The following CNTN4 variants were observed in gnomAD, a reference collection of about 807,000 sequenced individuals.
CNTN4 encodes the protein contactin-4.
CNTN4 carries 77 observed loss-of-function variants against 122.5 expected under a neutral mutation model. The ratio of observed to expected loss-of-function variants is 0.63; its 90% CI spans 0.52 to 0.76. The LOEUF (loss-of-function observed/expected upper bound fraction) is 0.76, where lower values mean the gene tolerates loss of function less well. CNTN4 is among the 30% of genes least tolerant of loss of function. The pLI, the probability that CNTN4 is intolerant of heterozygous loss-of-function variation, is 0.00. For synonymous variants in CNTN4, 512 were observed against 447.0 expected, an observed-to-expected ratio of 1.15 and a Z score of -1.83; for missense variants, 1,256 against 1,259.1, an observed-to-expected ratio of 1.00 and a Z score of 0.04.
At chr3:2,949,204 C>T (rs2094710604) in intron 13 of CNTN4, among the ~76,000 whole-genome samples, 1 of 152,098 alleles carries the variant, frequency 6.6e-6, no homozygotes, top group Non-Finnish European at 1.5e-5. Context: ...ACAGCTCCTT[C>T]TTGTCCCATA....
chr3:2,150,317 A>G (rs574778780), intron 2 of CNTN4, among the ~76,000 whole-genome samples: 1 of 152,350 alleles, frequency 6.6e-6, no homozygotes, highest in African/African-American at 2.4e-5. Flanking sequence ...TCAGCTAAAT[A>G]TTAGTTGTTT....
chr3:2,166,562 T>C (rs980741607), intron 2 of CNTN4, among the ~76,000 whole-genome samples: 18 of 152,228 alleles, frequency 1.2e-4, no homozygotes, highest in African/African-American at 4.3e-4. Flanking sequence ...ATGTAAGTTA[T>C]GAAATATTAA....
intron 2 of CNTN4, among the ~76,000 whole-genome samples, chr3:2,129,264 CA>C (rs11390812): frequency 0.015 from 958 of 63,840 alleles, 5 homozygotes; most frequent in African/African-American, 0.041. Flanking sequence ...TCCAAACCTG[CA>C]AAAAAAAAAA....
chr3:2,303,205 G>T (rs1289358514), intron 2 of CNTN4, among the ~76,000 whole-genome samples: 1 of 152,036 alleles, frequency 6.6e-6, no homozygotes, highest in African/African-American at 2.4e-5. Context: ...AAATAATACA[G>T]CTTTATTGAG....
intron 3 of CNTN4, among the ~76,000 whole-genome samples, chr3:2,358,058 C>T (rs1277665385): frequency 6.6e-6 from 1 of 152,186 alleles, no homozygotes; most frequent in African/African-American, 2.4e-5. Flanking sequence ...CCCCATGTGA[C>T]ATTTTACTTA....
chr3:2,167,249 C>T (rs1488745710), intron 2 of CNTN4, among the ~76,000 whole-genome samples: 1 of 151,902 alleles, frequency 6.6e-6, no homozygotes, highest in Non-Finnish European at 1.5e-5. Context: ...CAGCTCTTGG[C>T]ATGATTGGAC....
intron 14 of CNTN4, among the ~76,000 whole-genome samples, chr3:3,019,042 G>A (rs752175147): frequency 6.6e-6 from 1 of 152,264 alleles, no homozygotes; most frequent in Non-Finnish European, 1.5e-5. Flanking sequence ...AAGAAGCCAT[G>A]AATTTATCCT....
At chr3:2,493,795 T>G (rs2151688339) in intron 3 of CNTN4, among the ~76,000 whole-genome samples, 1 of 152,244 alleles carries the variant, frequency 6.6e-6, no homozygotes, top group East Asian at 1.9e-4. Flanking sequence ...ACTTCAGAGA[T>G]GTTTCTGGGG....
At chr3:2,790,918 T>C (rs2091987916) in intron 6 of CNTN4, among the ~76,000 whole-genome samples, 1 of 152,190 alleles carries the variant, frequency 6.6e-6, no homozygotes, top group South Asian at 2.1e-4. Context: ...ATTATTACTT[T>C]TGTTTAGATA....
chr3:2,421,981 A>G (rs972973351), intron 3 of CNTN4, among the ~76,000 whole-genome samples: 1 of 152,112 alleles, frequency 6.6e-6, no homozygotes, highest in South Asian at 2.1e-4. Flanking sequence ...AAATTAGTGT[A>G]CCTGATTTTG....
chr3:2,224,556 T>C (rs73019037), intron 2 of CNTN4, among the ~76,000 whole-genome samples: 14,501 of 152,218 alleles, frequency 0.095, 1,043 homozygotes, highest in East Asian at 0.4. Flanking sequence ...ATTTTTGCCA[T>C]GAGTACAACT....
chr3:2,344,278 A>ATT (rs4057746), intron 3 of CNTN4, among the ~76,000 whole-genome samples: 52,411 of 145,730 alleles, frequency 0.36, 9,539 homozygotes, highest in African/African-American at 0.43. Flanking sequence ...GCCAGGTCAA[A>ATT]TTTTTTTTTT....
At chr3:2,465,134 A>G (rs1361350068) in intron 3 of CNTN4, among the ~76,000 whole-genome samples, 1 of 152,202 alleles carries the variant, frequency 6.6e-6, no homozygotes, top group East Asian at 1.9e-4. Context: ...TTTTACTGCT[A>G]TATTATATAT....
At chr3:2,410,884 C>A (rs958403099) in intron 3 of CNTN4, among the ~76,000 whole-genome samples, 1 of 152,132 alleles carries the variant, frequency 6.6e-6, no homozygotes, top group Non-Finnish European at 1.5e-5. Flanking sequence ...ATGTTCTTTT[C>A]CTAATTTTTC....
chr3:2,630,699 G>A, intron 4 of CNTN4, among the ~76,000 whole-genome samples: 1 of 89,018 alleles, frequency 1.1e-5, no homozygotes, highest in South Asian at 3.5e-4. Context: ...GTTTATTAAG[G>A]GAGTGTGTGT....
At chr3:2,199,360 T>A (rs1340806781) in intron 2 of CNTN4, among the ~76,000 whole-genome samples, 1 of 148,150 alleles carries the variant, frequency 6.7e-6, no homozygotes. Flanking sequence ...TGTGTGACTC[T>A]CTTTTTGATT....
intron 23 of CNTN4, among the ~76,000 whole-genome samples, chr3:3,048,516 C>CTG (rs765657967): frequency 0.019 from 2,155 of 112,896 alleles, 28 homozygotes; most frequent in African/African-American, 0.044. Flanking sequence ...CTCTCTCTCT[C>CTG]TGTGTGTGTG....
At chr3:3,029,162 A>C (rs1344129907) in intron 15 of CNTN4, among the ~76,000 whole-genome samples, 1 of 152,212 alleles carries the variant, frequency 6.6e-6, no homozygotes, top group Non-Finnish European at 1.5e-5. Context: ...TCTGGATGAG[A>C]AGCCAAGTGT....
At chr3:2,856,997 G>T (rs2093624849) in intron 7 of CNTN4, among the ~76,000 whole-genome samples, 1 of 152,180 alleles carries the variant, frequency 6.6e-6, no homozygotes, top group Non-Finnish European at 1.5e-5. Context: ...ACAGGCAAAA[G>T]AGCAGGATGT....
Sources: allele counts gnomAD v4.1 joint callset (sites outside exome capture counted in the v4.1 genomes callset), GRCh38; gene constraint gnomAD v4.1.1; transcripts MANE v1.5; gene names NCBI Gene and HGNC (gene_info 2026-07-23, HGNC 2026-07-21).